SULT6B1: variants seen among roughly 807,000 people sequenced by gnomAD.
The protein encoded by SULT6B1 is sulfotransferase 6B1.
In SULT6B1, 44 loss-of-function variants were observed where a neutral mutation model predicts 37.2. The ratio of observed to expected loss-of-function variants is 1.18; its 90% CI spans 0.93 to 1.52. The LOEUF (loss-of-function observed/expected upper bound fraction) is 1.52, where lower values mean the gene tolerates loss of function less well. Among genes scored for constraint, SULT6B1 ranks in the 40% most tolerant of loss-of-function variants. SULT6B1 has a pLI of 0.00. For missense variants in SULT6B1, 450 were observed against 361.0 expected, an observed-to-expected ratio of 1.25 and a Z score of -2.00; for synonymous variants, 140 against 126.0, an observed-to-expected ratio of 1.11 and a Z score of -0.74.
chr2:37,194,486 C>T (rs181339403), intron 1 of SULT6B1: 11 of 410,160 alleles, frequency 2.7e-5, no homozygotes, highest in Non-Finnish European at 3.8e-5. Context: ...CAGCTGCACG[C>T]GGATACGGTA....
intron 6 of SULT6B1, among the ~76,000 whole-genome samples, chr2:37,171,030 A>C (rs1404453796): frequency 6.6e-6 from 1 of 152,102 alleles, no homozygotes; most frequent in Non-Finnish European, 1.5e-5. Flanking sequence ...CAAGTTCAGG[A>C]GATCAAGACC....
At chr2:37,184,100 A>C (rs1195524783) in intron 2 of SULT6B1, among the ~76,000 whole-genome samples, 1 of 152,192 alleles carries the variant, frequency 6.6e-6, no homozygotes, top group Non-Finnish European at 1.5e-5. Flanking sequence ...CTTTTCCCAC[A>C]ATCATATCAA....
Position 37,188,526 on chromosome 2 carries a change from T to C in SULT6B1, c.115A>G (p.Met39Val). 6.2e-7 allele frequency: 1 copy of C among 1,613,964 alleles called. No homozygotes were observed. The highest frequency in any genetic ancestry group is 8.5e-7 in the Non-Finnish European group (1 of 1,179,836). Residue 39 changes from methionine to valine, a missense_variant, in exon 1 of 7, where the codon ATG becomes GTG. By Grantham distance (21) the Met-to-Val change is conservative. Coordinates refer to ENST00000535679, the MANE Select transcript of SULT6B1 (RefSeq NM_001367551.1). ...TYQGIPYPIT[M>V]CTSETFQALD... ...GCTTGGAAAGTTTCTGAGGTGCACA[T>C]GGTGATGGGGTAAGGAATCCCCTGA...
intron 5 of SULT6B1, among the ~76,000 whole-genome samples, 171 bp downstream of exon 5, chr2:37,174,961 C>G (rs1159516747): frequency 1.3e-5 from 2 of 152,114 alleles, no homozygotes; most frequent in East Asian, 3.8e-4. Flanking sequence ...AAATAAACAA[C>G]CTAAGCATGT....
chr2:37,194,357 G>A (rs1676847978), intron 1 of SULT6B1: 3 of 342,038 alleles, frequency 8.8e-6, no homozygotes, highest in Admixed American at 3.7e-5. Context: ...TGGGGTTACA[G>A]GCATGAGCCA....
At chr2:37,194,173 T>C (rs1676843843) in intron 1 of SULT6B1, among the ~76,000 whole-genome samples, 1 of 152,156 alleles carries the variant, frequency 6.6e-6, no homozygotes, top group African/African-American at 2.4e-5. Flanking sequence ...ATTGACTGTC[T>C]GTAGATTTTT....
upstream of SULT6B1, among the ~76,000 whole-genome samples, chr2:37,191,498 A>G (rs45509896): frequency 8.0e-3 from 1,226 of 152,314 alleles, 18 homozygotes; most frequent in African/African-American, 0.028. Context: ...GGTTGGCTGC[A>G]GGCACGAGCA....
intron 6 of SULT6B1, among the ~76,000 whole-genome samples, chr2:37,170,961 G>A (rs1156419164): frequency 1.3e-5 from 2 of 149,770 alleles, no homozygotes; most frequent in Admixed American, 6.6e-5. Context: ...TGGGGCGGCC[G>A]GGCGCGGTGG....
intron 3 of SULT6B1, among the ~76,000 whole-genome samples, chr2:37,181,987 C>A (rs995933643): frequency 6.6e-6 from 1 of 152,164 alleles, no homozygotes; most frequent in African/African-American, 2.4e-5. Context: ...GGAATTCAAA[C>A]ACTCAATGGG....
chr2:37,193,460 T>C (rs1213415260), upstream of SULT6B1, among the ~76,000 whole-genome samples: 5 of 151,540 alleles, frequency 3.3e-5, no homozygotes, highest in Non-Finnish European at 1.5e-5. Context: ...AGACTCTGTC[T>C]CAAAATATAA....
At chr2:37,182,240 C>T (rs780884713) in intron 3 of SULT6B1, among the ~76,000 whole-genome samples, 1 of 141,886 alleles carries the variant, frequency 7.0e-6, no homozygotes, top group African/African-American at 2.6e-5. Flanking sequence ...TGCTAGCATT[C>T]GGCAGAAGTT....
intron 2 of SULT6B1, 85 bp downstream of exon 2, chr2:37,187,270 C>G (rs1033126607): frequency 1.3e-5 from 12 of 924,918 alleles, no homozygotes; most frequent in Non-Finnish European, 1.9e-5. Flanking sequence ...ATTGCACTTT[C>G]TAAACTGAAA....
upstream of SULT6B1, among the ~76,000 whole-genome samples, chr2:37,192,214 C>T (rs930434777): frequency 2.2e-4 from 34 of 152,190 alleles, no homozygotes; most frequent in African/African-American, 7.2e-4. Context: ...TTGTAAGATG[C>T]ATTCCTATTT....
intron 2 of SULT6B1, 25 bp from the exon 3 acceptor site, chr2:37,183,539 A>C: frequency 6.3e-7 from 1 of 1,577,738 alleles, no homozygotes; most frequent in African/African-American, 1.3e-5. Context: ...CAAAAAGGTG[A>C]AAATGTGCAC....
At chr2:37,181,872 C>T (rs183417457) in intron 3 of SULT6B1, among the ~76,000 whole-genome samples, 78 of 152,202 alleles carry the variant, frequency 5.1e-4, no homozygotes, top group African/African-American at 1.7e-3. Flanking sequence ...TTTACACATT[C>T]GCGATATAAG....
At chr2:37,184,489 G>A (rs1676626625) in intron 2 of SULT6B1, among the ~76,000 whole-genome samples, 1 of 152,180 alleles carries the variant, frequency 6.6e-6, no homozygotes, top group African/African-American at 2.4e-5. Context: ...TATATGTTAT[G>A]CAGGGAAGTA....
At chr2:37,181,321 C>A (rs1676544492) in intron 3 of SULT6B1, among the ~76,000 whole-genome samples, 1 of 152,168 alleles carries the variant, frequency 6.6e-6, no homozygotes, top group South Asian at 2.1e-4. Context: ...AATTTGAGGG[C>A]TAATTGGCTG....
upstream of SULT6B1, chr2:37,190,049 C>A (rs562843430): frequency 6.6e-6 from 1 of 152,294 alleles, no homozygotes; most frequent in East Asian, 1.9e-4. Context: ...CTCGTTCTGA[C>A]CTGTATGTGA....
chr2:37,175,257 AT>A, intron 4 of SULT6B1, 31 bp from the exon 5 acceptor site: 1 of 1,301,438 alleles, frequency 7.7e-7, no homozygotes, highest in Non-Finnish European at 1.1e-6. Context: ...ACTTTAAGAA[AT>A]GTCAAATAAC....
Sources: gnomAD v4.1 joint callset for allele counts (sites outside exome capture counted in the v4.1 genomes callset) on GRCh38, gnomAD v4.1.1 for gene constraint, MANE v1.5 for transcripts, NCBI Gene and HGNC (gene_info 2026-07-23, HGNC 2026-07-21) for gene names.